SFPQ: variants seen among roughly 807,000 people sequenced by gnomAD.
The protein encoded by SFPQ is splicing factor, proline- and glutamine-rich.
A neutral mutation model predicts 72.9 loss-of-function variants in SFPQ; 11 were observed. The observed-to-expected ratio is 0.15, with a 90% CI of 0.09 to 0.25. The LOEUF (loss-of-function observed/expected upper bound fraction) is 0.25. SFPQ is among the 10% of genes least tolerant of loss of function. SFPQ has a pLI of 1.00. For missense variants in SFPQ, 847 were observed against 993.3 expected (o/e 0.85, Z 1.98); for synonymous variants, 506 against 367.3 (o/e 1.38, Z -4.32).
downstream of SFPQ, chr1:35,180,244 A>T: frequency 2.9e-6 from 3 of 1,051,578 alleles, no homozygotes; most frequent in Non-Finnish European, 3.4e-6. Context: ...ACCAGTTCAG[A>T]GACCAAGAAG....
At chr1:35,182,219 C>G (rs1285373513), downstream of SFPQ, 2 of 985,252 alleles carry the variant, frequency 2.0e-6, no homozygotes, top group East Asian at 1.1e-4. Flanking sequence ...CATGGAACAC[C>G]CCTTATTTTC....
chr1:35,178,404 A>C (rs547357851), downstream of SFPQ: 8 of 1,066,152 alleles, frequency 7.5e-6, no homozygotes, highest in South Asian at 1.8e-4. Context: ...CTTTTTTCAT[A>C]TGAAAGCACA....
At position 35,192,798 on chromosome 1, in the gene SFPQ, C is replaced by CT; in HGVS notation, c.251_252insA (p.His85AlafsTer115). The CT allele has an allele frequency of 6.7e-7, 1 of 1,501,814 alleles. No individual in the cohort carries two copies. Among genetic ancestry groups the CT allele is most frequent in the Non-Finnish European group, 8.8e-7 (1 of 1,131,986 alleles). 93.0% of individuals were successfully genotyped at this position (1,501,814 alleles called of 1,614,324 possible). On this transcript the variant is annotated frameshift_variant, in exon 1 of 10. Coordinates refer to ENST00000357214, the MANE Select transcript of SFPQ (RefSeq NM_005066.3). LOFTEE classifies it high-confidence loss of function. ...GCTGTGGATGCGGCGGCGGCTGATG[C>CT]GGTGGCGGCTGCTGCGGCGGTGGCT...
At chr1:35,178,423 T>C, downstream of SFPQ, 4 of 1,064,146 alleles carry the variant, frequency 3.8e-6, no homozygotes, top group Non-Finnish European at 4.6e-6. Flanking sequence ...CATACCCTGC[T>C]CCCCATTCAA....
At chr1:35,181,443 TTA>T (rs1639461565), downstream of SFPQ, 1 of 1,063,664 alleles carries the variant, frequency 9.4e-7, no homozygotes, top group African/African-American at 1.6e-5. Flanking sequence ...TTTTAGCTGT[TTA>T]TATTAGTGGT....
chr1:35,191,694 T>C (rs539522134), intron 1 of SFPQ, among the ~76,000 whole-genome samples, 165 bp from the exon 2 acceptor site: 2 of 152,264 alleles, frequency 1.3e-5, no homozygotes, highest in Non-Finnish European at 2.9e-5. Context: ...TATCTTAACA[T>C]TGAAAAAGGA....
At chr1:35,191,277 T>C (rs1639983552) in intron 2 of SFPQ, 64 bp downstream of exon 2, 29 of 1,357,304 alleles carry the variant, frequency 2.1e-5, no homozygotes, top group Non-Finnish European at 3.0e-5. Context: ...CCTTCAGCGT[T>C]TGTAGTGACA....
intron 7 of SFPQ, 126 bp downstream of exon 7, chr1:35,187,847 A>G: frequency 1.5e-6 from 1 of 688,698 alleles, no homozygotes; most frequent in Non-Finnish European, 2.6e-6. Context: ...ATCAAACATA[A>G]TATACTTTGT....
intron 6 of SFPQ, among the ~76,000 whole-genome samples, 179 bp downstream of exon 6, chr1:35,188,824 C>G (rs533816840): frequency 6.6e-6 from 1 of 152,134 alleles, no homozygotes; most frequent in East Asian, 1.9e-4. Context: ...AGCCAGGTGT[C>G]GTGGCGCATG....
chr1:35,185,309 T>C (rs772277052), intron 9 of SFPQ, among the ~76,000 whole-genome samples: 1 of 152,232 alleles, frequency 6.6e-6, no homozygotes, highest in Non-Finnish European at 1.5e-5. Context: ...AGTACTATTC[T>C]ATATTGTTGC....
chr1:35,183,226 T>A lies in SFPQ; in HGVS notation c.*1230A>T. On this transcript the variant is annotated 3_prime_UTR_variant, in exon 10 of 10. Transcript: ENST00000357214. ...ACTAAACCTACTTCAGTACTAAACC[T>A]TTTTTTTTTTTTGAGACAGAGTCTC... 10 of 225,648 alleles carry A rather than the reference T, an allele frequency of 4.4e-5. No homozygotes were observed. Among genetic ancestry groups the A allele is most frequent in the Non-Finnish European group, 5.0e-5 (9 of 178,598 alleles). The allele number at this position is 225,648 out of a possible 1,614,324, so 14.0% of individuals were successfully genotyped here. A position where few individuals can be genotyped will look rare whatever the true frequency, so the allele number is the denominator to read the frequency against.
In SFPQ at chr1:35,192,473, CCGGGACTGCCGCGGGCGGAGGCGG is replaced by C; in HGVS notation, c.553_576del (p.Pro185_Pro192del). ...CCCTGCTTAGGCCCTGGACCCGGGC[CCGGGACTGCCGCGGGCGGAGGCGG>C]CGGGCCTCCGGCCTGAGGAGGTGTG... On this transcript the variant is annotated inframe_deletion, in exon 1 of 10. Coordinates refer to ENST00000357214, the MANE Select transcript of SFPQ (RefSeq NM_005066.3). 1 of 1,335,270 alleles carries C rather than the reference CCGGGACTGCCGCGGGCGGAGGCGG, an allele frequency of 7.5e-7. No homozygotes were observed. 82.7% of individuals were successfully genotyped at this position (1,335,270 alleles called of 1,614,324 possible). A position where few individuals can be genotyped will look rare whatever the true frequency, so the allele number is the denominator to read the frequency against.
downstream of SFPQ, chr1:35,178,911 C>T: frequency 9.6e-7 from 1 of 1,045,510 alleles, no homozygotes; most frequent in Non-Finnish European, 1.2e-6. Context: ...ATATTTTTTT[C>T]AGCACTGGTG....
chr1:35,191,541 G>T lies in SFPQ; in HGVS notation c.829-12C>A. The T allele has an allele frequency of 6.2e-7, 1 of 1,600,106 alleles. No homozygotes were observed. Among genetic ancestry groups the T allele is most frequent in the Non-Finnish European group, 8.5e-7 (1 of 1,174,818 alleles). Reference sequence around the variant, plus strand: ...TTGGCTTTAAACCCCTAATGAAAAAGGAAAGAAGTTTTCAAACACCAGAGA... The same window carrying T: ...TTGGCTTTAAACCCCTAATGAAAAATGAAAGAAGTTTTCAAACACCAGAGA... On this transcript the variant is annotated splice_polypyrimidine_tract_variant and intron_variant, in intron 1 of 9. Transcript: ENST00000357214.
chr1:35,185,511 T>C (rs1389192572), intron 9 of SFPQ, among the ~76,000 whole-genome samples: 3 of 152,154 alleles, frequency 2.0e-5, no homozygotes, highest in South Asian at 2.1e-4. Context: ...ATTCTGGAGA[T>C]AGAAGTTTTC....
chr1:35,184,702 G>A (rs1388573392), intron 9 of SFPQ, 109 bp from the exon 10 acceptor site: 1 of 1,394,284 alleles, frequency 7.2e-7, no homozygotes, highest in Non-Finnish European at 9.4e-7. Context: ...AATCACCAAT[G>A]AGTCGATCCA....
At position 35,192,749 on chromosome 1, in the gene SFPQ, G is replaced by T; in HGVS notation, c.301C>A (p.Pro101Thr). ...PQPHQQQQPP[P>T]PPQDSSKPVV... ...GGCTTGGAAGAGTCCTGCGGCGGTG[G>T]CGGCGGCTGCTGCTGCTGATGCGGC... The change falls in exon 1 of 10, where the codon CCA (proline) becomes ACA (threonine). Residue 101 changes from proline (P) to threonine (T), a missense_variant. Physicochemically the swap from Pro to Thr is conservative, Grantham distance 38. Coordinates refer to ENST00000357214, the MANE Select transcript of SFPQ (RefSeq NM_005066.3). 1 of 1,495,378 alleles carries T rather than the reference G, an allele frequency of 6.7e-7. No individual in the cohort carries two copies. The allele number at this position is 1,495,378 out of a possible 1,614,324, so 92.6% of individuals were successfully genotyped here. A position where few individuals can be genotyped will look rare whatever the true frequency, so the allele number is the denominator to read the frequency against.
intron 9 of SFPQ, 119 bp from the exon 10 acceptor site, chr1:35,184,712 A>G: frequency 7.4e-7 from 1 of 1,349,148 alleles, no homozygotes; most frequent in Non-Finnish European, 9.7e-7. Context: ...GAGTCGATCC[A>G]CAGGTACCGG....
downstream of SFPQ, chr1:35,180,893 G>C (rs1639440536): frequency 2.0e-6 from 2 of 985,144 alleles, no homozygotes; most frequent in Admixed American, 6.2e-5. Flanking sequence ...CCACACAACT[G>C]AGTCAGATAT....
Sources: allele counts gnomAD v4.1 joint callset (sites outside exome capture counted in the v4.1 genomes callset), GRCh38; gene constraint gnomAD v4.1.1; transcripts MANE v1.5; gene names NCBI Gene and HGNC (gene_info 2026-07-23, HGNC 2026-07-21).